The following NCSTN variants were observed in gnomAD, a reference collection of about 807,000 sequenced individuals.
NCSTN encodes the protein anterior pharynx-defective 2.
In NCSTN, 22 loss-of-function variants were observed where a neutral mutation model predicts 87.0. That is an observed-to-expected ratio of 0.25 (90% CI 0.18 to 0.36). The LOEUF (loss-of-function observed/expected upper bound fraction) is 0.36. NCSTN is among the 10% of genes least tolerant of loss of function. The pLI, the probability that NCSTN is intolerant of heterozygous loss-of-function variation, is 1.00. For synonymous variants in NCSTN, 306 were observed against 327.1 expected (o/e 0.94, Z 0.69); for missense variants, 693 against 883.3 (o/e 0.78, Z 2.73).
intron 2 of NCSTN, among the ~76,000 whole-genome samples, chr1:160,345,844 C>A (rs765595643): frequency 5.4e-4 from 76 of 140,060 alleles, no homozygotes; most frequent in Non-Finnish European, 9.6e-4. Flanking sequence ...GAGGCGGAAG[C>A]AGAAGAATCC....
At chr1:160,351,846 A>T (rs201989886) in intron 7 of NCSTN, 41 bp downstream of exon 7, 1 of 1,538,950 alleles carries the variant, frequency 6.5e-7, no homozygotes, top group East Asian at 2.2e-5. Context: ...GGGCTGGCAC[A>T]AAAAGAGCTG....
rs1289383062 is a variant in NCSTN, at chr1:160,344,502, CTT to C, written c.86-218_86-217del. Reference sequence around the variant, plus strand: ...GTCACTGTCAATGGCGCTACATGGACTTTGTAATAACCCTTTGAGGCACATAG... The same window carrying C: ...GTCACTGTCAATGGCGCTACATGGACTGTAATAACCCTTTGAGGCACATAG... On this transcript the variant is annotated intron_variant, in intron 1 of 16. Coordinates refer to ENST00000294785, the MANE Select transcript of NCSTN (RefSeq NM_015331.3). The C allele has an allele frequency of 1.6e-5, 24 of 1,544,812 alleles. No homozygotes were observed. In the African/African-American group the frequency reaches 2.5e-4, roughly 16 times the overall value.
chr1:160,345,094 AATG>A, intron 2 of NCSTN: 1 of 536,892 alleles, frequency 1.9e-6, no homozygotes, highest in South Asian at 2.1e-5. Context: ...TCACTTTATA[AATG>A]ATGAAACTAA....
At position 160,352,134 on chromosome 1, in the gene NCSTN, T is replaced by G. The variant is rs1648886327; in HGVS notation, c.924T>G (p.Ala308=). 1 of 1,614,128 alleles carries G rather than the reference T, an allele frequency of 6.2e-7. No homozygotes were observed. Among genetic ancestry groups the G allele is most frequent in the African/African-American group, 1.3e-5 (1 of 74,936 alleles). Residue 308 remains alanine, a synonymous_variant, in exon 8 of 17, where the codon GCT becomes GCG. Coordinates refer to ENST00000294785, the MANE Select transcript of NCSTN (RefSeq NM_015331.3). The part of the protein sequence containing the change: ...AVASFVTQLA[A]AEALQKAPDV... ...CTTCCTTTGTCACCCAGCTGGCTGC[T>G]GCTGAAGCTTTGCAAAAGGCACCTG... is the stretch of plus-strand genomic sequence containing the variant.
At chr1:160,352,028 C>T in intron 7 of NCSTN, 26 bp from the exon 8 acceptor site, 1 of 1,613,408 alleles carries the variant, frequency 6.2e-7, no homozygotes, top group Non-Finnish European at 8.5e-7. Flanking sequence ...GTATATATCC[C>T]CTGACTTTTC....
Position 160,351,308 on chromosome 1 carries a change from T to C in NCSTN, c.669T>C (p.Ala223=). The C allele has an allele frequency of 6.2e-7, 1 of 1,614,158 alleles. No homozygotes were observed. The highest frequency in any genetic ancestry group is 1.7e-4 in the Middle Eastern group (1 of 6,060). ...CAMQLFSHMH[A]VISTATCMRR... is the part of the protein sequence containing the mutation. ...TGCAGCTCTTTTCACACATGCATGC[T>C]GTCATCAGCACTGCCACCTGCATGC... The change falls in exon 6 of 17, where the codon GCT becomes GCC. Residue 223 remains alanine, a synonymous_variant. Transcript: ENST00000294785.
chr1:160,356,817 C>A, intron 15 of NCSTN, 63 bp downstream of exon 15: 1 of 1,597,568 alleles, frequency 6.3e-7, no homozygotes, highest in South Asian at 1.1e-5. Context: ...GTTGGAGGTT[C>A]TTCTAGACCT....
intron 11 of NCSTN, 57 bp from the exon 12 acceptor site, chr1:160,355,598 G>A: frequency 1.5e-6 from 2 of 1,305,914 alleles, no homozygotes; most frequent in Non-Finnish European, 2.2e-6. Flanking sequence ...TTTGAGGGAG[G>A]AAAGGGGCAG....
chr1:160,358,381 A>G lies in NCSTN; in HGVS notation c.*110A>G. 1 of 1,428,434 alleles carries G rather than the reference A, an allele frequency of 7.0e-7. No individual in the cohort carries two copies. 88.5% of individuals were successfully genotyped at this position (1,428,434 alleles called of 1,614,324 possible). On this transcript the variant is annotated 3_prime_UTR_variant, in exon 17 of 17. Transcript: ENST00000294785. ...TGGAACCTCCCTGGGCCTGTCTCAG[A>G]TTGGGATTAACATAAAAGAGTGGAA...
intron 8 of NCSTN, 50 bp from the exon 9 acceptor site, chr1:160,352,837 C>G (rs146129522): frequency 1.4e-6 from 2 of 1,479,840 alleles, no homozygotes; most frequent in East Asian, 4.5e-5. Flanking sequence ...CGAGGCTCTC[C>G]TAACCCTTTG....
In NCSTN at chr1:160,358,527, T is replaced by C. The variant is rs1649247767; in HGVS notation, c.*256T>C. 1 of 533,372 alleles carries C rather than the reference T, an allele frequency of 1.9e-6. No homozygotes were observed. The highest frequency in any genetic ancestry group is 1.9e-5 in the African/African-American group (1 of 52,332). The allele number at this position is 533,372 out of a possible 1,614,324, so 33.0% of individuals were successfully genotyped here. A position where few individuals can be genotyped will look rare whatever the true frequency, so the allele number is the denominator to read the frequency against. On this transcript the variant is annotated 3_prime_UTR_variant, in exon 17 of 17. Transcript: ENST00000294785. ...TCATGCCAGATTTTGGGATTACAAATAGAAGCTTCTTGCTCCTGTTTAACT... is the reference window on the plus strand; with the variant it reads ...TCATGCCAGATTTTGGGATTACAAACAGAAGCTTCTTGCTCCTGTTTAACT...
chr1:160,350,398 G>A lies in NCSTN; in HGVS notation c.582+148G>A. On this transcript the variant is annotated intron_variant, in intron 5 of 16. Coordinates refer to ENST00000294785, the MANE Select transcript of NCSTN (RefSeq NM_015331.3). Reference sequence around the variant, plus strand: ...GGCCGGGAGGCAGAGGTTTCAGTGAGCTGAGATGGCACCATTGCACTCCAG... The same window carrying A: ...GGCCGGGAGGCAGAGGTTTCAGTGAACTGAGATGGCACCATTGCACTCCAG... 3 of 807,504 alleles carry A rather than the reference G, an allele frequency of 3.7e-6. No individual in the cohort carries two copies. The South Asian group carries it at 4.3e-5, about 11-fold the overall frequency. 50.0% of individuals were successfully genotyped at this position (807,504 alleles called of 1,614,324 possible). A position where few individuals can be genotyped will look rare whatever the true frequency, so the allele number is the denominator to read the frequency against.
intron 2 of NCSTN, 65 bp downstream of exon 2, chr1:160,344,891 C>A: frequency 7.6e-7 from 1 of 1,321,128 alleles, no homozygotes; most frequent in Non-Finnish European, 1.1e-6. Flanking sequence ...TACTAAGTAA[C>A]ATCCATGTCC....
intron 2 of NCSTN, chr1:160,345,028 T>G (rs1470984178): frequency 1.6e-6 from 1 of 635,764 alleles, no homozygotes. Context: ...GCTTTTTACA[T>G]GTGCATCTCA....
chr1:160,358,412 C>T lies in NCSTN; in HGVS notation c.*141C>T, dbSNP rs1649241526. The T allele has an allele frequency of 9.1e-7, 1 of 1,101,056 alleles. No homozygotes were observed. Among genetic ancestry groups the T allele is most frequent in the Admixed American group, 1.9e-5 (1 of 52,610 alleles). 68.2% of individuals were successfully genotyped at this position (1,101,056 alleles called of 1,614,324 possible). A position where few individuals can be genotyped will look rare whatever the true frequency, so the allele number is the denominator to read the frequency against. ...ATTAACATAAAAGAGTGGAACTATC[C>T]AAAAGAGACAGGGAGAAATAAATAA... On this transcript the variant is annotated 3_prime_UTR_variant, in exon 17 of 17. Coordinates refer to ENST00000294785, the MANE Select transcript of NCSTN (RefSeq NM_015331.3).
Position 160,353,228 on chromosome 1 carries a change from A to T in NCSTN, c.1170A>T (p.Val390=). 6.2e-7 allele frequency: 1 copy of T among 1,614,166 alleles called. No individual in the cohort carries two copies. Among genetic ancestry groups the T allele is most frequent in the Non-Finnish European group, 8.5e-7 (1 of 1,180,016 alleles). ...TDPVSQKNES[V]RNQVEDLLAT... is the part of the protein sequence containing the mutation. ...CTGTTTCTCAGAAAAATGAGTCTGT[A>T]CGGAACCAGGTAACCTGAGCATCTC... Residue 390 remains valine, a synonymous_variant, in exon 10 of 17, where the codon GTA becomes GTT. Coordinates refer to ENST00000294785, the MANE Select transcript of NCSTN (RefSeq NM_015331.3).
chr1:160,358,108 G>A (rs1649225867), intron 16 of NCSTN, 41 bp from the exon 17 acceptor site: 1 of 1,614,038 alleles, frequency 6.2e-7, no homozygotes, highest in Non-Finnish European at 8.5e-7. Context: ...ACTGAGTTCT[G>A]AGAATGCCTT....
chr1:160,355,792 C>T, intron 12 of NCSTN, 35 bp downstream of exon 12: 1 of 1,602,924 alleles, frequency 6.2e-7, no homozygotes, highest in East Asian at 2.2e-5. Context: ...GAGCCTGGGG[C>T]ACACAGTGAA....
rs200162352 is a variant in NCSTN, at chr1:160,354,162, C to G, written c.1224C>G (p.Val408=). ...CATTGGAGAAGAGTGGTGCTGGTGT[C>G]CCTGCTGTCATCCTCAGGAGGCCAA... The part of the protein sequence containing the change: ...LATLEKSGAG[V]PAVILRRPNQ... Residue 408 remains valine (V), a synonymous_variant, in exon 11 of 17, where the codon GTC becomes GTG. Coordinates refer to ENST00000294785, the MANE Select transcript of NCSTN (RefSeq NM_015331.3). 11 of 1,614,136 alleles carry G rather than the reference C, an allele frequency of 6.8e-6. 1 individual carries two copies. In the East Asian group the frequency reaches 1.8e-4, roughly 26 times the overall value.
Sources: allele counts gnomAD v4.1 joint callset (sites outside exome capture counted in the v4.1 genomes callset), GRCh38; gene constraint gnomAD v4.1.1; transcripts MANE v1.5; gene names NCBI Gene and HGNC (gene_info 2026-07-23, HGNC 2026-07-21).